Variants in MBD5 observed in about 807,000 individuals in gnomAD.
MBD5 encodes methyl-CpG binding domain protein 5, also known as methyl-CpG-binding domain protein 5.
MBD5 carries 13 observed loss-of-function variants against 117.3 expected under a neutral mutation model. The observed-to-expected ratio is 0.11, with a 90% CI of 0.07 to 0.18. The LOEUF is 0.18. Ranked by LOEUF, MBD5 falls within the 10% of genes least tolerant of loss-of-function variation. The probability of loss-of-function intolerance (pLI) is 1.00; values close to 1 mark genes in which losing one functional copy is unlikely to be tolerated. For missense variants in MBD5, 1,879 were observed against 2,093.8 expected (o/e 0.90, Z 2.00); for synonymous variants, 727 against 766.4 (o/e 0.95, Z 0.85).
chr2:148,393,827 C>G (rs1704630824), intron 4 of MBD5, among the ~76,000 whole-genome samples: 1 of 152,134 alleles, frequency 6.6e-6, no homozygotes, highest in African/African-American at 2.4e-5. Flanking sequence ...ACATTCAACT[C>G]TAATTCACCT....
At chr2:148,335,770 A>G (rs952920083) in intron 3 of MBD5, among the ~76,000 whole-genome samples, 1 of 152,086 alleles carries the variant, frequency 6.6e-6, no homozygotes, top group African/African-American at 2.4e-5. Context: ...CTTTAGAGAA[A>G]GAAGATAGGT....
chr2:148,424,946 T>TCAA (rs990668073), intron 4 of MBD5, among the ~76,000 whole-genome samples: 1 of 152,042 alleles, frequency 6.6e-6, no homozygotes, highest in African/African-American at 2.4e-5. Flanking sequence ...AGATCTAAAA[T>TCAA]CAACACCCTA....
At chr2:148,434,781 G>A (rs75254997) in intron 4 of MBD5, among the ~76,000 whole-genome samples, 18,539 of 152,176 alleles carry the variant, frequency 0.12, 1,522 homozygotes, top group Middle Eastern at 0.19. Context: ...GTTTGGTCAA[G>A]AGTCCAGTTC....
chr2:148,514,867 T>G lies in MBD5; in HGVS notation c.*1926T>G, dbSNP rs1488300635. The G allele has an allele frequency of 1.3e-5, 2 of 152,170 alleles. No individual in the cohort carries two copies. Among genetic ancestry groups the G allele is most frequent in the Non-Finnish European group, 2.9e-5 (2 of 68,040 alleles). 9.4% of individuals were successfully genotyped at this position (152,170 alleles called of 1,614,324 possible). The stretch of plus-strand genomic sequence containing the variant: ...CCTACTTTCAACCTACCCCCAAGCC[T>G]GATGGAATGCAACTGGCTACCCTGG... On this transcript the variant is annotated 3_prime_UTR_variant, in exon 14 of 14. Transcript: ENST00000642680.
intron 4 of MBD5, among the ~76,000 whole-genome samples, chr2:148,371,853 A>T (rs917325848): frequency 2.6e-5 from 4 of 152,134 alleles, no homozygotes; most frequent in African/African-American, 7.2e-5. Flanking sequence ...TCCTATAAAA[A>T]CATCAACATA....
At chr2:148,385,902 T>G (rs1451187071) in intron 4 of MBD5, among the ~76,000 whole-genome samples, 1 of 141,322 alleles carries the variant, frequency 7.1e-6, no homozygotes, top group Non-Finnish European at 1.5e-5. Flanking sequence ...TAGGTGGGAA[T>G]TGAACAATGA....
At chr2:148,443,017 A>T (rs1464018949) in intron 4 of MBD5, among the ~76,000 whole-genome samples, 1 of 151,456 alleles carries the variant, frequency 6.6e-6, no homozygotes, top group Non-Finnish European at 1.5e-5. Context: ...CAATAACCAG[A>T]ATATACAAGG....
intron 4 of MBD5, among the ~76,000 whole-genome samples, chr2:148,446,244 T>C (rs1188164988): frequency 6.6e-6 from 1 of 152,136 alleles, no homozygotes; most frequent in Non-Finnish European, 1.5e-5. Flanking sequence ...TAGGTTTTCT[T>C]CTAGGGTTTT....
intron 3 of MBD5, among the ~76,000 whole-genome samples, chr2:148,271,941 A>G (rs1558999782): frequency 6.6e-6 from 1 of 152,058 alleles, no homozygotes; most frequent in South Asian, 2.1e-4. Flanking sequence ...CGTCTGCCCC[A>G]TCCCTTCCTC....
chr2:148,357,504 G>A (rs1703415291), intron 4 of MBD5, among the ~76,000 whole-genome samples: 2 of 151,328 alleles, frequency 1.3e-5, no homozygotes, highest in South Asian at 2.1e-4. Context: ...GATATGTCTA[G>A]GTGTAGGCCT....
intron 4 of MBD5, among the ~76,000 whole-genome samples, chr2:148,401,857 C>A (rs114574110): frequency 2.0e-4 from 30 of 152,254 alleles, no homozygotes; most frequent in South Asian, 6.2e-4. Context: ...CTCCTCCAAT[C>A]TGTTAGAATT....
chr2:148,485,105 T>C (rs1285732080), intron 9 of MBD5: 1 of 152,160 alleles, frequency 6.6e-6, no homozygotes, highest in East Asian at 1.9e-4. Context: ...ATTTTGAATT[T>C]TGAATATAAA....
intron 1 of MBD5, among the ~76,000 whole-genome samples, chr2:148,091,829 T>C (rs1695951204): frequency 6.6e-6 from 1 of 152,096 alleles, no homozygotes; most frequent in Non-Finnish European, 1.5e-5. Context: ...CTAATTAAAC[T>C]AAAAAGTTTC....
intron 1 of MBD5, among the ~76,000 whole-genome samples, chr2:148,057,833 AT>A (rs1319555222): frequency 2.0e-5 from 3 of 151,912 alleles, no homozygotes; most frequent in African/African-American, 7.2e-5. Flanking sequence ...GTTAAAAAAA[AT>A]AAAGTTAGAT....
intron 1 of MBD5, among the ~76,000 whole-genome samples, chr2:148,158,724 A>T (rs951718611): frequency 4.6e-5 from 7 of 151,590 alleles, no homozygotes; most frequent in Admixed American, 6.6e-5. Context: ...TGTTTGTTTT[A>T]TTTATTTATT....
At chr2:148,106,734 T>C (rs1203858344) in intron 1 of MBD5, among the ~76,000 whole-genome samples, 1 of 152,002 alleles carries the variant, frequency 6.6e-6, no homozygotes, top group Non-Finnish European at 1.5e-5. Context: ...ACTCAAGAAA[T>C]GGTATCATGT....
chr2:148,230,610 A>G (rs529371492), intron 2 of MBD5, among the ~76,000 whole-genome samples: 1 of 152,250 alleles, frequency 6.6e-6, no homozygotes, highest in African/African-American at 2.4e-5. Flanking sequence ...TTTCTCAAGA[A>G]GAAGGAGTCT....
At chr2:148,286,329 T>C (rs1701368206) in intron 3 of MBD5, among the ~76,000 whole-genome samples, 1 of 152,230 alleles carries the variant, frequency 6.6e-6, no homozygotes, top group African/African-American at 2.4e-5. Flanking sequence ...TTAAAAACTT[T>C]AGTTGCTGAG....
chr2:148,485,794 A>G lies in MBD5; in HGVS notation c.3597A>G (p.Leu1199=), dbSNP rs968871300. The G allele has an allele frequency of 1.9e-6, 3 of 1,613,942 alleles. No individual in the cohort carries two copies. The highest frequency in any genetic ancestry group is 8.5e-7 in the Non-Finnish European group (1 of 1,179,956). ...NTLSNHQLTH[L]QSLLNNNQMF... ...TGAGTAACCATCAACTGACTCATCTACAGTCGCTGTTAAACAACAATCAGA... is the reference window on the plus strand; with the variant it reads ...TGAGTAACCATCAACTGACTCATCTGCAGTCGCTGTTAAACAACAATCAGA... Residue 1199 remains leucine (L), a synonymous_variant, in exon 10 of 14, where the codon CTA becomes CTG. Transcript: ENST00000642680.
Sources: gnomAD v4.1 joint callset for allele counts (sites outside exome capture counted in the v4.1 genomes callset) on GRCh38, gnomAD v4.1.1 for gene constraint, MANE v1.5 for transcripts, NCBI Gene and HGNC (gene_info 2026-07-23, HGNC 2026-07-21) for gene names.